MFSD1: variants seen among roughly 807,000 people sequenced by gnomAD.
The protein encoded by MFSD1 is major facilitator superfamily domain containing 1.
MFSD1 carries 59 observed loss-of-function variants against 67.1 expected under a neutral mutation model. That is an observed-to-expected ratio of 0.88 (90% CI 0.71 to 1.09). The LOEUF (loss-of-function observed/expected upper bound fraction) is 1.09. Ranked by LOEUF, MFSD1 falls within the 50% of genes least tolerant of loss-of-function variation. MFSD1 has a pLI of 0.00. For missense variants in MFSD1, 552 were observed against 566.1 expected (o/e 0.97, Z 0.25); for synonymous variants, 213 against 200.3 (o/e 1.06, Z -0.54).
intron 12 of MFSD1, 137 bp from the exon 13 acceptor site, chr3:158,823,987 C>T: frequency 1.4e-6 from 1 of 713,942 alleles, no homozygotes; most frequent in East Asian, 2.5e-5. Context: ...AAAATCTAAT[C>T]AAGTCATCCC....
At chr3:158,811,575 G>C (rs1576902269) in intron 6 of MFSD1, among the ~76,000 whole-genome samples, 1 of 152,308 alleles carries the variant, frequency 6.6e-6, no homozygotes, top group South Asian at 2.1e-4. Flanking sequence ...AGATCGAGAT[G>C]GAACCAACAA....
chr3:158,804,681 T>A (rs1729632573), intron 2 of MFSD1, among the ~76,000 whole-genome samples: 1 of 152,238 alleles, frequency 6.6e-6, no homozygotes, highest in Non-Finnish European at 1.5e-5. Context: ...CAGTGCTTAG[T>A]CACCCGAATG....
At chr3:158,809,318 A>C in intron 6 of MFSD1, 31 bp downstream of exon 6, 1 of 1,352,948 alleles carries the variant, frequency 7.4e-7, no homozygotes. Flanking sequence ...GATGAAGCCA[A>C]ATGGAAGCAA....
rs1486760226 is a variant in MFSD1, at chr3:158,812,638, A to G, written c.550-1327A>G. On this transcript the variant is annotated intron_variant, in intron 6 of 15. Transcript: ENST00000415822. ...TTCTGGATTATTGCTATAGCTCCCT[A>G]ACTGGTGCCTTTGCTTTTGCCTTGT... Among the ~76,000 whole-genome samples, 6 of 152,290 alleles carry G rather than the reference A, an allele frequency of 3.9e-5. No homozygotes were observed. In the East Asian group the frequency reaches 1.2e-3, roughly 29 times the overall value.
chr3:158,827,510 G>A (rs12629099), intron 15 of MFSD1, among the ~76,000 whole-genome samples, 173 bp downstream of exon 15: 8,235 of 150,460 alleles, frequency 0.055, 459 homozygotes, highest in East Asian at 0.26. Flanking sequence ...AACTTCCTCA[G>A]CTCAGGCAAT....
intron 6 of MFSD1, among the ~76,000 whole-genome samples, chr3:158,810,322 T>C (rs2108211377): frequency 6.6e-6 from 1 of 152,302 alleles, no homozygotes; most frequent in South Asian, 2.1e-4. Flanking sequence ...AAAAAAATTT[T>C]TTTTGCCACT....
Position 158,822,104 on chromosome 3 carries a change from G to A in MFSD1, c.1041G>A (p.Met347Ile), listed in dbSNP as rs767649047. Residue 347 changes from methionine (M) to isoleucine (I), a missense_variant, in exon 11 of 16, where the codon ATG becomes ATA. By Grantham distance (10) the Met-to-Ile change is conservative. Transcript: ENST00000415822. ...CAGCCACTCTTGTGTCCCACATGAT[G>A]CTGGCCTTTACGATGTGGAACCCTT... Reference protein sequence around the residue: ...AVAATLVSHMMLAFTMWNPWI... With the variant: ...AVAATLVSHMILAFTMWNPWI... 2 of 1,613,814 alleles carry A rather than the reference G, an allele frequency of 1.2e-6. No individual in the cohort carries two copies. The highest frequency in any genetic ancestry group is 1.7e-6 in the Non-Finnish European group (2 of 1,179,758).
intron 7 of MFSD1, among the ~76,000 whole-genome samples, chr3:158,814,547 C>A (rs1284717269): frequency 2.0e-5 from 3 of 152,028 alleles, no homozygotes; most frequent in Non-Finnish European, 4.4e-5. Context: ...TCTCGAACTC[C>A]TGACCTCAGG....
Position 158,810,940 on chromosome 3 carries a change from A to G in MFSD1, c.549+1653A>G, listed in dbSNP as rs143082801. Among the ~76,000 whole-genome samples the G allele has an allele frequency of 3.4e-3, 518 of 152,272 alleles. 6 individuals carry two copies. The highest frequency in any genetic ancestry group is 0.012 in the African/African-American group (488 of 41,530). ...CAGATATGTCTGTGGCAGTTTGTGA[A>G]TCTAGTTGTCTAACAACTTTTTAAA... is the stretch of plus-strand genomic sequence containing the variant. On this transcript the variant is annotated intron_variant, in intron 6 of 15. Transcript: ENST00000415822.
chr3:158,827,976 G>GACAGACAGACAGAC (rs1371636474), intron 15 of MFSD1, among the ~76,000 whole-genome samples: 1 of 78,874 alleles, frequency 1.3e-5, no homozygotes, highest in Non-Finnish European at 2.5e-5. Flanking sequence ...GAGAGAGAGA[G>GACAGACAGACAGAC]AGACAGAGAT....
Position 158,820,258 on chromosome 3 carries a change from C to T in MFSD1, c.795C>T (p.Pro265=), listed in dbSNP as rs1730604431. The T allele has an allele frequency of 6.2e-7, 1 of 1,611,846 alleles. No homozygotes were observed. The highest frequency in any genetic ancestry group is 8.5e-7 in the Non-Finnish European group (1 of 1,178,236). The change falls in exon 9 of 16, where the codon CCC becomes CCT. Residue 265 remains proline, a synonymous_variant. Transcript: ENST00000415822. ...CTGATGTAAAGGACTTCTCCTTACC[C>T]CTGTGGCTTATATTTATCATCTGTG... ...KLTDVKDFSL[P]LWLIFIICVC...
At chr3:158,821,185 G>A (rs911459073) in intron 9 of MFSD1, among the ~76,000 whole-genome samples, 9 of 151,588 alleles carry the variant, frequency 5.9e-5, no homozygotes, top group African/African-American at 1.7e-4. Context: ...CAATGTAAGT[G>A]TGTTTGTGTA....
Position 158,819,741 on chromosome 3 carries a change from A to G in MFSD1, c.745A>G (p.Lys249Glu), listed in dbSNP as rs756849283. 3 of 1,587,442 alleles carry G rather than the reference A, an allele frequency of 1.9e-6. No individual in the cohort carries two copies. The Admixed American group carries it at 5.1e-5, about 27-fold the overall frequency. ...GAGAATCCTTCATAAAGAACAAGGAAAAACAGGTAAGTCTAAATGAAAGAA... is the reference window on the plus strand; with the variant it reads ...GAGAATCCTTCATAAAGAACAAGGAGAAACAGGTAAGTCTAAATGAAAGAA... ...AERILHKEQG[K>E]TGEVIKLTDV... Residue 249 changes from lysine (K) to glutamate (E), a missense_variant, in exon 8 of 16, where the codon AAA becomes GAA. Transcript: ENST00000415822.
intron 10 of MFSD1, 135 bp from the exon 11 acceptor site, chr3:158,821,849 A>G (rs530586354): frequency 2.8e-6 from 3 of 1,082,306 alleles, no homozygotes; most frequent in South Asian, 3.2e-5. Context: ...ACTGCTTTTT[A>G]TATTTTTTGA....
Position 158,829,207 on chromosome 3 carries a change from C to T in MFSD1, c.*225C>T, listed in dbSNP as rs972052434. The T allele has an allele frequency of 3.9e-5, 14 of 362,436 alleles. No individual in the cohort carries two copies. The highest frequency in any genetic ancestry group is 6.9e-5 in the Non-Finnish European group (14 of 203,948). The allele number at this position is 362,436 out of a possible 1,614,324, so 22.5% of individuals were successfully genotyped here. On this transcript the variant is annotated 3_prime_UTR_variant, in exon 16 of 16. Coordinates refer to ENST00000415822, the MANE Select transcript of MFSD1 (RefSeq NM_022736.4). ...ATTCTACTTTTAGTAGGCTAATCAA[C>T]AATGAAAGGGTTAGAAAATTGCTGT...
chr3:158,814,776 A>G (rs543530863), intron 7 of MFSD1, among the ~76,000 whole-genome samples: 8 of 152,192 alleles, frequency 5.3e-5, no homozygotes, highest in Non-Finnish European at 1.2e-4. Flanking sequence ...TTATTCAGGT[A>G]AGATGTTAAT....
At chr3:158,804,247 T>C in intron 1 of MFSD1, 72 bp from the exon 2 acceptor site, 1 of 1,077,224 alleles carries the variant, frequency 9.3e-7, no homozygotes, top group East Asian at 2.5e-5. Context: ...AATTGTAATT[T>C]CAGTAGCAAC....
At chr3:158,820,187 T>G (rs771897856) in intron 8 of MFSD1, 28 bp from the exon 9 acceptor site, 1 of 1,301,142 alleles carries the variant, frequency 7.7e-7, no homozygotes, top group Non-Finnish European at 1.1e-6. Flanking sequence ...AAAATTATGC[T>G]GATAGTGTCT....
At chr3:158,811,183 C>T (rs1429743155) in intron 6 of MFSD1, among the ~76,000 whole-genome samples, 4 of 152,136 alleles carry the variant, frequency 2.6e-5, no homozygotes, top group South Asian at 2.1e-4. Context: ...GGAAAAACAA[C>T]GGAGGCGCTC....
Sources: allele counts gnomAD v4.1 joint callset (sites outside exome capture counted in the v4.1 genomes callset), GRCh38; gene constraint gnomAD v4.1.1; transcripts MANE v1.5; gene names NCBI Gene and HGNC (gene_info 2026-07-23, HGNC 2026-07-21).